The following CLIC5 variants were observed in gnomAD, a reference collection of about 807,000 sequenced individuals.
The protein encoded by CLIC5 is chloride intracellular channel protein 5.
CLIC5 carries 20 observed loss-of-function variants against 24.7 expected under a neutral mutation model. The observed-to-expected ratio is 0.81, with a 90% confidence interval of 0.57 to 1.18. The LOEUF (loss-of-function observed/expected upper bound fraction) is 1.18. Ranked by LOEUF, CLIC5 falls within the 50% of genes most tolerant of loss-of-function variation. CLIC5 has a pLI of 0.00. For missense variants in CLIC5, 341 were observed against 326.1 expected (o/e 1.05, Z -0.35); for synonymous variants, 159 against 135.6 (o/e 1.17, Z -1.20).
intron 1 of CLIC5, among the ~76,000 whole-genome samples, chr6:46,060,893 T>C (rs1286361768): frequency 1.3e-5 from 2 of 152,204 alleles, no homozygotes. Context: ...CTTCATGTTG[T>C]GAATCCTTCT....
intron 5 of CLIC5, chr6:45,911,937 C>G: frequency 1.0e-6 from 1 of 985,538 alleles, no homozygotes; most frequent in Non-Finnish European, 1.2e-6. Context: ...TCAAGCCAAA[C>G]TCTCATGGAG....
At chr6:46,112,444 G>A in the CLIC5 span, among the ~76,000 whole-genome samples, 14,724 of 151,934 alleles carry the variant, frequency 0.097, 831 homozygotes, top group East Asian at 0.16. Flanking sequence ...CTGTTTTGCC[G>A]CAATCCAAGT....
chr6:45,996,643 A>T (rs1055201307), intron 1 of CLIC5, among the ~76,000 whole-genome samples: 1 of 152,208 alleles, frequency 6.6e-6, no homozygotes, highest in Non-Finnish European at 1.5e-5. Flanking sequence ...CAATGAACTC[A>T]AACAAATTTA....
intron 1 of CLIC5, among the ~76,000 whole-genome samples, chr6:46,062,370 T>C (rs779335051): frequency 2.0e-5 from 3 of 152,276 alleles, no homozygotes; most frequent in African/African-American, 7.2e-5. Context: ...TACTTTGTGG[T>C]TGTTATCACT....
At chr6:46,051,134 T>C (rs1768090990) in intron 1 of CLIC5, among the ~76,000 whole-genome samples, 1 of 152,142 alleles carries the variant, frequency 6.6e-6, no homozygotes, top group Non-Finnish European at 1.5e-5. Context: ...TCAGCCCTTC[T>C]CTAGTGTTTA....
chr6:46,124,585 T>C, the CLIC5 span, among the ~76,000 whole-genome samples: 1 of 152,176 alleles, frequency 6.6e-6, no homozygotes, highest in Non-Finnish European at 1.5e-5. Flanking sequence ...TGGGATCTAA[T>C]TAAACTAAAG....
At chr6:45,908,256 T>A (rs1581718261) in intron 5 of CLIC5, among the ~76,000 whole-genome samples, 2 of 152,180 alleles carry the variant, frequency 1.3e-5, no homozygotes, top group African/African-American at 4.8e-5. Context: ...TATGAATTTT[T>A]GGGTCTCAAT....
At chr6:46,125,373 C>T in the CLIC5 span, among the ~76,000 whole-genome samples, 1 of 151,972 alleles carries the variant, frequency 6.6e-6, no homozygotes, top group Non-Finnish European at 1.5e-5. Flanking sequence ...GGGAATTGAA[C>T]AATGAGAACA....
At chr6:45,938,680 G>T (rs1353349994) in intron 4 of CLIC5, among the ~76,000 whole-genome samples, 3 of 152,210 alleles carry the variant, frequency 2.0e-5, no homozygotes, top group Non-Finnish European at 2.9e-5. Flanking sequence ...GCGGCATTTG[G>T]TGGAAACTGG....
chr6:46,068,765 C>A (rs1004505700), intron 1 of CLIC5, among the ~76,000 whole-genome samples: 2 of 152,002 alleles, frequency 1.3e-5, no homozygotes, highest in African/African-American at 4.8e-5. Flanking sequence ...AGGGGGAAGA[C>A]CATGTGAAGA....
the CLIC5 span, among the ~76,000 whole-genome samples, chr6:46,090,197 T>C: frequency 6.1e-4 from 93 of 152,376 alleles, no homozygotes; most frequent in South Asian, 4.6e-3. Context: ...GAACACGTTT[T>C]ATATCAAAGG....
chr6:46,082,890 T>C (rs2127480414), upstream of CLIC5, among the ~76,000 whole-genome samples: 1 of 152,334 alleles, frequency 6.6e-6, no homozygotes, highest in South Asian at 2.1e-4. Flanking sequence ...TTTTCTGTCT[T>C]ATCCTACTAG....
the CLIC5 span, among the ~76,000 whole-genome samples, chr6:46,085,530 A>G: frequency 6.1e-4 from 93 of 152,300 alleles, no homozygotes; most frequent in African/African-American, 2.2e-3. Context: ...GGAGTTTGCT[A>G]GAGGTCCACT....
At chr6:46,006,415 A>T (rs1158060601) in intron 1 of CLIC5, among the ~76,000 whole-genome samples, 1 of 151,532 alleles carries the variant, frequency 6.6e-6, no homozygotes, top group Non-Finnish European at 1.5e-5. Flanking sequence ...AAGTGCTGGG[A>T]TTACAGATGT....
intron 4 of CLIC5, among the ~76,000 whole-genome samples, chr6:45,927,629 A>G (rs1310894071): frequency 2.0e-5 from 3 of 152,178 alleles, no homozygotes; most frequent in African/African-American, 7.2e-5. Context: ...GCAGGAATCT[A>G]CATTGAACAA....
chr6:45,997,048 T>C (rs995991427), intron 1 of CLIC5, among the ~76,000 whole-genome samples: 1 of 152,074 alleles, frequency 6.6e-6, no homozygotes, highest in Non-Finnish European at 1.5e-5. Context: ...TAAAGACACA[T>C]GCACACATAT....
the CLIC5 span, among the ~76,000 whole-genome samples, chr6:46,103,079 TAACA>T: frequency 6.6e-6 from 1 of 152,084 alleles, no homozygotes; most frequent in Non-Finnish European, 1.5e-5. Flanking sequence ...TTTTTGAGGA[TAACA>T]AACAGCAGTG....
chr6:46,027,048 C>T (rs548882199), intron 1 of CLIC5, among the ~76,000 whole-genome samples: 9 of 152,150 alleles, frequency 5.9e-5, no homozygotes, highest in South Asian at 2.1e-4. Context: ...TTAGGTGCTC[C>T]GAGAGACATT....
At chr6:45,979,730 G>A (rs4714899) in intron 1 of CLIC5, among the ~76,000 whole-genome samples, 57,463 of 151,990 alleles carry the variant, frequency 0.38, 12,134 homozygotes, top group African/African-American at 0.57. Context: ...ATATTTTTGA[G>A]TGATCCCCAC....
Sources: gnomAD v4.1 joint callset for allele counts (sites outside exome capture counted in the v4.1 genomes callset) on GRCh38, gnomAD v4.1.1 for gene constraint, MANE v1.5 for transcripts, NCBI Gene and HGNC (gene_info 2026-07-23, HGNC 2026-07-21) for gene names.